ASIC2: variants seen among roughly 807,000 people sequenced by gnomAD.
The protein encoded by ASIC2 is acid-sensing ion channel 2.
Under a neutral mutation model 57.3 loss-of-function variants are expected in ASIC2, and 25 were observed. That is an observed-to-expected ratio of 0.44 (90% CI 0.32 to 0.61). The LOEUF is 0.61. Ranked by LOEUF, ASIC2 falls within the 20% of genes least tolerant of loss-of-function variation. The probability of loss-of-function intolerance (pLI) is 0.06; values close to 1 mark genes in which losing one functional copy is unlikely to be tolerated. For synonymous variants in ASIC2, 319 were observed against 307.5 expected (o/e 1.04, Z -0.39); for missense variants, 641 against 738.1 (o/e 0.87, Z 1.52).
chr17:33,353,495 G>C (rs961975622), intron 1 of ASIC2, among the ~76,000 whole-genome samples: 1 of 152,042 alleles, frequency 6.6e-6, no homozygotes, highest in African/African-American at 2.4e-5. Context: ...CACTGCACCT[G>C]GCTAATATAT....
intron 1 of ASIC2, among the ~76,000 whole-genome samples, chr17:33,831,689 C>T (rs1016600176): frequency 6.6e-6 from 1 of 152,142 alleles, no homozygotes; most frequent in African/African-American, 2.4e-5. Context: ...GCACTGAGCT[C>T]TGCACGCATC....
At chr17:33,894,529 AGTGGTTGAGAGCCCACATT>A (rs1225811890) in intron 1 of ASIC2, among the ~76,000 whole-genome samples, 2 of 151,978 alleles carry the variant, frequency 1.3e-5, no homozygotes, top group Admixed American at 1.3e-4. Flanking sequence ...GTTGTCCCTG[AGTGGTTGAGAGCCCACATT>A]TTGCCGTTAT....
At chr17:33,993,267 C>T (rs530666080) in intron 1 of ASIC2, among the ~76,000 whole-genome samples, 12 of 152,236 alleles carry the variant, frequency 7.9e-5, no homozygotes, top group African/African-American at 2.9e-4. Context: ...GTACTCCTCC[C>T]CAGTTGGTAT....
intron 1 of ASIC2, among the ~76,000 whole-genome samples, chr17:34,026,647 T>C (rs1221928924): frequency 2.6e-5 from 4 of 152,214 alleles, no homozygotes; most frequent in African/African-American, 9.6e-5. Context: ...CTTTCTGCTC[T>C]CTCCATGGCT....
rs996734781 is a variant in ASIC2 at position 33,110,811 on chromosome 17, C to G, written c.859+1106G>C. On this transcript the variant is annotated intron_variant, in intron 2 of 9. Transcript: ENST00000225823. ...AGGTAGGGGCTGGGCTACTGGGGCT[C>G]CACCCTTTCCTCAGCCCCAACCTGA... 5.3e-5 allele frequency among the ~76,000 whole-genome samples: 8 copies of G among 152,146 alleles called. No homozygotes were observed. The East Asian group carries it at 9.7e-4, about 19-fold the overall frequency.
chr17:34,056,169 T>C, intron 1 of ASIC2, among the ~76,000 whole-genome samples: 1 of 152,206 alleles, frequency 6.6e-6, no homozygotes, highest in East Asian at 1.9e-4. Context: ...TAGGATCTTT[T>C]ACTGCAATTA....
chr17:33,183,216 A>C (rs1473117609), intron 1 of ASIC2, among the ~76,000 whole-genome samples: 1 of 152,204 alleles, frequency 6.6e-6, no homozygotes, highest in Non-Finnish European at 1.5e-5. Flanking sequence ...ACTAACCTTT[A>C]TTTTTGCCAA....
chr17:33,343,113 G>A (rs563247932), intron 1 of ASIC2, among the ~76,000 whole-genome samples: 1 of 152,172 alleles, frequency 6.6e-6, no homozygotes, highest in African/African-American at 2.4e-5. Context: ...ATTGTAGCAG[G>A]AGAGAGGCAA....
intron 1 of ASIC2, among the ~76,000 whole-genome samples, chr17:33,783,457 G>C (rs1430266529): frequency 1.3e-5 from 2 of 152,204 alleles, no homozygotes; most frequent in African/African-American, 4.8e-5. Context: ...TAGAGTGTCT[G>C]GCATATGTTA....
At chr17:33,317,053 A>G (rs954373340) in intron 1 of ASIC2, among the ~76,000 whole-genome samples, 1 of 152,252 alleles carries the variant, frequency 6.6e-6, no homozygotes, top group Non-Finnish European at 1.5e-5. Flanking sequence ...GCAGTTGCTT[A>G]GGCCCGATCT....
chr17:34,019,991 T>G lies in ASIC2; in HGVS notation c.555+135987A>C, dbSNP rs570168725. Among the ~76,000 whole-genome samples, 357 of 152,278 alleles carry G rather than the reference T, an allele frequency of 2.3e-3. 1 individual carries two copies. The highest frequency in any genetic ancestry group is 8.5e-3 in the African/African-American group (354 of 41,554). ...ATAAAACAGAAGCTACAAGGACTCT[T>G]GAGGCCTAGACTCCGGAAGCATTAC... On this transcript the variant is annotated intron_variant, in intron 1 of 9. Coordinates refer to the ASIC2 transcript ENST00000359872.
At chr17:33,446,700 C>A (rs576413371) in intron 1 of ASIC2, among the ~76,000 whole-genome samples, 1 of 152,266 alleles carries the variant, frequency 6.6e-6, no homozygotes, top group African/African-American at 2.4e-5. Context: ...GGAACCATGT[C>A]TTTTCATCCC....
rs1452356339 is a variant in ASIC2 at position 33,198,350 on chromosome 17, T to TCAAAA, written c.709-86288_709-86284dup. ...CTGGGTGACAATGTGAGACCCTGTT[T>TCAAAA]CAAAACAAAACAAAAAACAAACCTA... On this transcript the variant is annotated intron_variant, in intron 1 of 9. Transcript: ENST00000225823. Among the ~76,000 whole-genome samples, 4 of 152,326 alleles carry TCAAAA rather than the reference T, an allele frequency of 2.6e-5. No homozygotes were observed. In the East Asian group the frequency reaches 7.7e-4, roughly 29 times the overall value.
chr17:34,056,435 C>T (rs918373395), intron 1 of ASIC2, among the ~76,000 whole-genome samples: 1 of 152,132 alleles, frequency 6.6e-6, no homozygotes, highest in African/African-American at 2.4e-5. Flanking sequence ...TAATAGCTAC[C>T]TGTGACACTG....
chr17:33,415,745 C>T (rs1323757689), intron 1 of ASIC2, among the ~76,000 whole-genome samples: 1 of 152,064 alleles, frequency 6.6e-6, no homozygotes. Context: ...AATAAGATAG[C>T]AGAGAGAGCA....
intron 1 of ASIC2, among the ~76,000 whole-genome samples, chr17:33,257,790 T>G (rs1454212057): frequency 6.6e-6 from 1 of 152,216 alleles, no homozygotes; most frequent in Non-Finnish European, 1.5e-5. Flanking sequence ...AGCACTCATG[T>G]CCCAAGAGGC....
chr17:33,921,702 T>C (rs1015299393), intron 1 of ASIC2, among the ~76,000 whole-genome samples: 3 of 152,074 alleles, frequency 2.0e-5, no homozygotes, highest in Non-Finnish European at 4.4e-5. Flanking sequence ...GTCTTAAAGA[T>C]CCTTGTGCAA....
chr17:33,312,192 G>A (rs563526023), intron 1 of ASIC2, among the ~76,000 whole-genome samples: 1 of 152,298 alleles, frequency 6.6e-6, no homozygotes, highest in Non-Finnish European at 1.5e-5. Flanking sequence ...ATAAGTGAGA[G>A]CAATATAGGT....
intron 1 of ASIC2, among the ~76,000 whole-genome samples, chr17:33,147,875 T>C (rs1305793399): frequency 6.6e-6 from 1 of 152,192 alleles, no homozygotes; most frequent in Non-Finnish European, 1.5e-5. Context: ...AGCTGCGTGC[T>C]GTGGGCGCTG....
Sources: gnomAD v4.1 joint callset for allele counts (sites outside exome capture counted in the v4.1 genomes callset) on GRCh38, gnomAD v4.1.1 for gene constraint, MANE v1.5 for transcripts, NCBI Gene and HGNC (gene_info 2026-07-23, HGNC 2026-07-21) for gene names.